SLC30A6: variants seen among roughly 807,000 people sequenced by gnomAD.
SLC30A6 encodes the protein solute carrier family 30 member 6.
Under a neutral mutation model 63.0 loss-of-function variants are expected in SLC30A6, and 55 were observed. That is an observed-to-expected ratio of 0.87 (90% confidence interval 0.70 to 1.09). SLC30A6 has a LOEUF of 1.09. Ranked by LOEUF, SLC30A6 falls within the 50% of genes least tolerant of loss-of-function variation. The probability of loss-of-function intolerance (pLI) is 0.00; values close to 1 mark genes in which losing one functional copy is unlikely to be tolerated. For synonymous variants in SLC30A6, 224 were observed against 186.1 expected (o/e 1.20, Z -1.66); for missense variants, 587 against 549.2 (o/e 1.07, Z -0.69).
In SLC30A6 at chr2:32,219,660, TCCTGA is replaced by T. The variant is rs1686000112; in HGVS notation, c.886-549_886-545del. On this transcript the variant is annotated intron_variant, in intron 13 of 13. Transcript: ENST00000282587. ...CATGTTGGCCAGGCTGGTCTCGAACTCCTGACCTCAGGTAATCCACCCACCTCGGC... is the reference window on the plus strand; with the variant it reads ...CATGTTGGCCAGGCTGGTCTCGAACTCCTCAGGTAATCCACCCACCTCGGC... Among the ~76,000 whole-genome samples the T allele has an allele frequency of 2.0e-5, 3 of 152,042 alleles. No individual in the cohort carries two copies. The East Asian group carries it at 5.8e-4, about 30-fold the overall frequency.
chr2:32,214,224 C>T (rs540016810), intron 13 of SLC30A6, among the ~76,000 whole-genome samples: 16 of 152,108 alleles, frequency 1.1e-4, no homozygotes, highest in Non-Finnish European at 1.8e-4. Flanking sequence ...AATGAGGCAC[C>T]ATGCCCAGCC....
chr2:32,189,164 A>T (rs1438233874), intron 5 of SLC30A6, among the ~76,000 whole-genome samples: 2 of 152,086 alleles, frequency 1.3e-5, no homozygotes, highest in East Asian at 3.8e-4. Context: ...CATGTTCATT[A>T]TTAAAAGATA....
At chr2:32,214,806 T>C (rs1685562137) in intron 13 of SLC30A6, among the ~76,000 whole-genome samples, 1 of 152,262 alleles carries the variant, frequency 6.6e-6, no homozygotes, top group East Asian at 1.9e-4. Flanking sequence ...AGTTTCCTTA[T>C]TTTAATTACT....
At chr2:32,169,802 G>C (rs1681032649) in intron 1 of SLC30A6, among the ~76,000 whole-genome samples, 1 of 152,190 alleles carries the variant, frequency 6.6e-6, no homozygotes, top group African/African-American at 2.4e-5. Flanking sequence ...TGTGTATAGG[G>C]AGAGGCATAC....
At chr2:32,197,873 T>A in intron 10 of SLC30A6, 47 bp downstream of exon 10, 1 of 1,606,260 alleles carries the variant, frequency 6.2e-7, no homozygotes, top group East Asian at 2.2e-5. Context: ...TTCTGGGGAC[T>A]TACTTTTAAG....
intron 13 of SLC30A6, among the ~76,000 whole-genome samples, chr2:32,219,924 T>C (rs1330955175): frequency 4.6e-5 from 7 of 152,242 alleles, no homozygotes; most frequent in Non-Finnish European, 1.0e-4. Flanking sequence ...TTTCGGCTCT[T>C]ACATTGTATT....
chr2:32,204,219 T>A (rs212761), intron 10 of SLC30A6, among the ~76,000 whole-genome samples: 29 of 151,378 alleles, frequency 1.9e-4, no homozygotes, highest in Admixed American at 3.9e-4. Context: ...TGTCTCTTTT[T>A]AAAAAAAAAT....
At chr2:32,172,898 G>A (rs1018896255) in intron 2 of SLC30A6, among the ~76,000 whole-genome samples, 2 of 152,176 alleles carry the variant, frequency 1.3e-5, no homozygotes, top group Admixed American at 6.5e-5. Context: ...GGGAAAAGAA[G>A]TAATCAGAAG....
intron 13 of SLC30A6, among the ~76,000 whole-genome samples, chr2:32,216,010 G>A (rs921423266): frequency 3.3e-5 from 5 of 152,164 alleles, no homozygotes; most frequent in African/African-American, 1.2e-4. Flanking sequence ...GAATAGTGCT[G>A]CAGTGAACAT....
At chr2:32,167,461 C>G (rs1447524511) in intron 1 of SLC30A6, among the ~76,000 whole-genome samples, 1 of 150,390 alleles carries the variant, frequency 6.6e-6, no homozygotes, top group African/African-American at 2.5e-5. Context: ...GCAAATCATG[C>G]TGTATTAATT....
intron 10 of SLC30A6, chr2:32,201,540 T>C: frequency 1.1e-6 from 1 of 875,214 alleles, no homozygotes; most frequent in Admixed American, 3.4e-5. Context: ...CCTTTCACGT[T>C]TTTGCTGCAT....
chr2:32,175,264 G>A (rs138250304), intron 3 of SLC30A6, 55 bp from the exon 4 acceptor site: 2 of 1,554,184 alleles, frequency 1.3e-6, no homozygotes, highest in Non-Finnish European at 1.8e-6. Context: ...GTAACTTGCT[G>A]TATTTTTTTA....
At chr2:32,212,737 C>T (rs1685360143) in intron 13 of SLC30A6, among the ~76,000 whole-genome samples, 1 of 151,582 alleles carries the variant, frequency 6.6e-6, no homozygotes, top group Non-Finnish European at 1.5e-5. Flanking sequence ...GCTGGGACTA[C>T]AGGTGCATGC....
intron 4 of SLC30A6, 97 bp downstream of exon 4, chr2:32,175,458 T>C: frequency 1.0e-6 from 1 of 989,470 alleles, no homozygotes; most frequent in Non-Finnish European, 1.5e-6. Context: ...CAGCAACTAC[T>C]GATATCTTAC....
At chr2:32,209,279 GGCAA>G (rs1185556775) in intron 12 of SLC30A6, among the ~76,000 whole-genome samples, 1 of 152,148 alleles carries the variant, frequency 6.6e-6, no homozygotes, top group Non-Finnish European at 1.5e-5. Flanking sequence ...AAAGAATTGG[GGCAA>G]GCAAGAAACG....
intron 10 of SLC30A6, chr2:32,202,748 T>C: frequency 1.4e-6 from 1 of 703,480 alleles, no homozygotes; most frequent in South Asian, 1.6e-5. Flanking sequence ...AAACTGATTC[T>C]GAAGACAGTC....
intron 4 of SLC30A6, among the ~76,000 whole-genome samples, chr2:32,178,559 G>A (rs1013344056): frequency 1.3e-5 from 2 of 152,164 alleles, no homozygotes; most frequent in Non-Finnish European, 2.9e-5. Context: ...TGTAGTCCCA[G>A]CTACTCAGGA....
At chr2:32,166,002 G>C in intron 1 of SLC30A6, 99 bp downstream of exon 1, 4 of 1,554,046 alleles carry the variant, frequency 2.6e-6, no homozygotes, top group Admixed American at 1.7e-5. Flanking sequence ...ACCCAGAGGA[G>C]GGGTCATTGG....
At chr2:32,192,777 C>A in intron 6 of SLC30A6, 141 bp from the exon 7 acceptor site, 1 of 524,298 alleles carries the variant, frequency 1.9e-6, no homozygotes, top group Non-Finnish European at 3.3e-6. Context: ...TATGAGTCTC[C>A]TTGCCTCATC....
Sources: gnomAD v4.1 joint callset for allele counts (sites outside exome capture counted in the v4.1 genomes callset) on GRCh38, gnomAD v4.1.1 for gene constraint, MANE v1.5 for transcripts, NCBI Gene and HGNC (gene_info 2026-07-23, HGNC 2026-07-21) for gene names.